The following MTHFS variants were observed in gnomAD, a reference collection of about 807,000 sequenced individuals.
The protein encoded by MTHFS is methenyltetrahydrofolate synthetase.
Under a neutral mutation model 12.7 loss-of-function variants are expected in MTHFS, and 7 were observed. The observed-to-expected ratio is 0.55, with a 90% CI of 0.31 to 1.03. The LOEUF is 1.03. Among genes scored for constraint, MTHFS ranks in the 50% least tolerant of loss-of-function variants. The pLI is 0.05. For synonymous variants in MTHFS, 100 were observed against 97.1 expected (o/e 1.03, Z -0.18); for missense variants, 252 against 258.1 (o/e 0.98, Z 0.16).
intron 2 of MTHFS, among the ~76,000 whole-genome samples, chr15:79,850,369 T>C (rs2033693357): frequency 6.6e-6 from 1 of 152,338 alleles, no homozygotes; most frequent in South Asian, 2.1e-4. Context: ...AATGAGGTTA[T>C]AGAATGCAGA....
chr15:79,895,315 T>A (rs1279616554), intron 1 of MTHFS, among the ~76,000 whole-genome samples: 1 of 152,222 alleles, frequency 6.6e-6, no homozygotes, highest in Non-Finnish European at 1.5e-5. Flanking sequence ...CCGAAATTCA[T>A]CTCAAACATT....
chr15:79,876,321 A>C (rs775963896), intron 2 of MTHFS: 3 of 152,238 alleles, frequency 2.0e-5, no homozygotes, highest in Non-Finnish European at 4.4e-5. Context: ...TGTTCAAAAA[A>C]ACTAAAGTAG....
intron 2 of MTHFS, among the ~76,000 whole-genome samples, chr15:79,868,967 T>C (rs187591601): frequency 2.9e-3 from 443 of 152,340 alleles, no homozygotes; most frequent in African/African-American, 0.01. Flanking sequence ...CATTTTTTTT[T>C]AATGTAAACC....
intron 2 of MTHFS, among the ~76,000 whole-genome samples, chr15:79,875,269 A>G (rs1242510186): frequency 6.6e-6 from 1 of 151,078 alleles, no homozygotes. Context: ...CCGCAACAAA[A>G]GCGACAAAAA....
At chr15:79,868,935 A>T (rs1458650793) in intron 2 of MTHFS, among the ~76,000 whole-genome samples, 1 of 152,202 alleles carries the variant, frequency 6.6e-6, no homozygotes, top group Non-Finnish European at 1.5e-5. Context: ...TGGTTCTGAG[A>T]ACTCTGACTA....
In MTHFS at chr15:79,889,308, A is replaced by C; in HGVS notation, c.164T>G (p.Phe55Cys). Reference protein sequence around the residue: ...EYQKSKRISIFLSMQDEIETE... With the variant: ...EYQKSKRISICLSMQDEIETE... ...CTCAATTTCATCTTGCATGCTCAGAAAGATGGAAATTCTTTTGGACTTTTG... is the reference window on the plus strand; with the variant it reads ...CTCAATTTCATCTTGCATGCTCAGACAGATGGAAATTCTTTTGGACTTTTG... Residue 55 changes from phenylalanine (F) to cysteine (C), a missense_variant, in exon 2 of 3, where the codon TTT becomes TGT. Phe to Cys is a radical substitution (Grantham distance 205). Coordinates refer to ENST00000258874, the MANE Select transcript of MTHFS (RefSeq NM_006441.4). 4 of 1,614,180 alleles carry C rather than the reference A, an allele frequency of 2.5e-6. No individual in the cohort carries two copies. Among genetic ancestry groups the C allele is most frequent in the South Asian group, 1.1e-5 (1 of 91,078 alleles).
chr15:79,890,880 G>A (rs1373808671), intron 1 of MTHFS, among the ~76,000 whole-genome samples: 1 of 152,122 alleles, frequency 6.6e-6, no homozygotes, highest in Non-Finnish European at 1.5e-5. Flanking sequence ...GGGGCTTTTG[G>A]CATCCAACTA....
intron 2 of MTHFS, chr15:79,877,082 T>C (rs755803308): frequency 2.6e-5 from 4 of 151,012 alleles, no homozygotes; most frequent in Non-Finnish European, 5.9e-5. Context: ...AAATAAAAAA[T>C]GCACTACATG....
rs2733105 is a variant in MTHFS at position 79,871,823 on chromosome 15, T to C, written c.379+17270A>G. ...GCTATTAAAATTAAAATTTTTTACA[T>C]AGGCCGGGCACGGTGGCTAATGCCT... On this transcript the variant is annotated intron_variant, in intron 2 of 2. Transcript: ENST00000258874. 1.7e-3 allele frequency among the ~76,000 whole-genome samples: 258 copies of C among 152,160 alleles called. 1 individual carries two copies. Among genetic ancestry groups the C allele is most frequent in the Non-Finnish European group, 3.1e-3 (208 of 68,014 alleles).
intron 2 of MTHFS, among the ~76,000 whole-genome samples, chr15:79,868,995 A>T (rs1232334625): frequency 6.6e-6 from 1 of 152,220 alleles, no homozygotes; most frequent in Non-Finnish European, 1.5e-5. Context: ...GAAAAATGAA[A>T]AAACGGTGAG....
intron 2 of MTHFS, among the ~76,000 whole-genome samples, chr15:79,858,246 T>C (rs2033847207): frequency 6.6e-6 from 1 of 152,108 alleles, no homozygotes; most frequent in Non-Finnish European, 1.5e-5. Flanking sequence ...ATGCATCTAA[T>C]CAGTTGTCTG....
At chr15:79,872,950 T>C (rs535871573) in intron 2 of MTHFS, among the ~76,000 whole-genome samples, 1 of 152,316 alleles carries the variant, frequency 6.6e-6, no homozygotes, top group East Asian at 1.9e-4. Flanking sequence ...TGTGCACTTC[T>C]GAAAGACCTT....
chr15:79,875,444 C>T (rs1379948906), intron 2 of MTHFS, among the ~76,000 whole-genome samples: 1 of 152,144 alleles, frequency 6.6e-6, no homozygotes, highest in East Asian at 1.9e-4. Context: ...CCTTCAAAAA[C>T]AGAGAAGACA....
chr15:79,889,142 A>G lies in MTHFS; in HGVS notation c.330T>C (p.Asn110=), dbSNP rs934348459. The part of the protein sequence containing the change: ...EISLLPKTSW[N]IPQPGEGDVR... Reference sequence around the variant, plus strand: ...CATCACCCTCACCAGGCTGAGGGATATTCCAGGATGTTTTGGGAAGTAAAG... The same window carrying G: ...CATCACCCTCACCAGGCTGAGGGATGTTCCAGGATGTTTTGGGAAGTAAAG... The change falls in exon 2 of 3, where the codon AAT becomes AAC. Residue 110 remains asparagine, a synonymous_variant. Coordinates refer to ENST00000258874, the MANE Select transcript of MTHFS (RefSeq NM_006441.4). The G allele has an allele frequency of 6.2e-7, 1 of 1,614,190 alleles. No individual in the cohort carries two copies. The highest frequency in any genetic ancestry group is 8.5e-7 in the Non-Finnish European group (1 of 1,180,024).
At chr15:79,890,774 G>T (rs979414996) in intron 1 of MTHFS, among the ~76,000 whole-genome samples, 3 of 152,162 alleles carry the variant, frequency 2.0e-5, no homozygotes, top group African/African-American at 4.8e-5. Flanking sequence ...GTCTAAGGAA[G>T]AAAGTTAACT....
intron 2 of MTHFS, among the ~76,000 whole-genome samples, chr15:79,857,614 T>C (rs1472341085): frequency 6.6e-6 from 1 of 152,208 alleles, no homozygotes; most frequent in Non-Finnish European, 1.5e-5. Context: ...TAATAGTACA[T>C]GGATTTTATA....
chr15:79,870,569 G>A (rs900284096), intron 2 of MTHFS, among the ~76,000 whole-genome samples: 4 of 151,780 alleles, frequency 2.6e-5, no homozygotes, highest in African/African-American at 7.3e-5. Context: ...TACCACTCAC[G>A]GACCATGCTG....
At chr15:79,875,259 C>A (rs2034172643) in intron 2 of MTHFS, among the ~76,000 whole-genome samples, 3 of 151,630 alleles carry the variant, frequency 2.0e-5, no homozygotes, top group East Asian at 3.9e-4. Context: ...CCCTGACTTC[C>A]CGCAACAAAA....
At chr15:79,851,534 C>T (rs142320307) in intron 2 of MTHFS, among the ~76,000 whole-genome samples, 29 of 152,312 alleles carry the variant, frequency 1.9e-4, no homozygotes, top group African/African-American at 6.7e-4. Context: ...CAGAAACTAA[C>T]ATTTGTAAAG....
Sources: allele counts gnomAD v4.1 joint callset (sites outside exome capture counted in the v4.1 genomes callset), GRCh38; gene constraint gnomAD v4.1.1; transcripts MANE v1.5; gene names NCBI Gene and HGNC (gene_info 2026-07-23, HGNC 2026-07-21).